The following THADA variants were observed in gnomAD, a reference collection of about 807,000 sequenced individuals.
THADA encodes the protein THADA armadillo repeat containing, also known as tRNA (32-2'-O)-methyltransferase regulator THADA.
A neutral mutation model predicts 219.8 loss-of-function variants in THADA; 213 were observed. That is an observed-to-expected ratio of 0.97 (90% CI 0.87 to 1.09). THADA has a LOEUF of 1.09. Ranked by LOEUF, THADA falls within the 50% of genes least tolerant of loss-of-function variation. The pLI is 0.00. For synonymous variants in THADA, 1,018 were observed against 828.9 expected (o/e 1.23, Z -3.92); for missense variants, 2,956 against 2,311.3 (o/e 1.28, Z -5.72).
chr2:43,542,915 G>C (rs1371473561), intron 20 of THADA, among the ~76,000 whole-genome samples: 2 of 151,742 alleles, frequency 1.3e-5, no homozygotes, highest in African/African-American at 4.8e-5. Flanking sequence ...TGTGCACAAT[G>C]TGCAGGTTAG....
At chr2:43,290,431 T>G (rs1476255834) in intron 34 of THADA, among the ~76,000 whole-genome samples, 2 of 152,120 alleles carry the variant, frequency 1.3e-5, no homozygotes, top group Non-Finnish European at 2.9e-5. Context: ...TCTAAGGAAA[T>G]TGGACCTGCT....
intron 26 of THADA, among the ~76,000 whole-genome samples, chr2:43,449,941 A>G (rs1218242243): frequency 2.0e-5 from 3 of 152,198 alleles, no homozygotes. Context: ...CGGTCCTTCA[A>G]CTGTGAGGGA....
At chr2:43,548,960 T>C (rs1263823214) in intron 20 of THADA, among the ~76,000 whole-genome samples, 2 of 152,220 alleles carry the variant, frequency 1.3e-5, no homozygotes, top group African/African-American at 4.8e-5. Context: ...GTCTTCTGCG[T>C]CACTCCCGCT....
intron 26 of THADA, among the ~76,000 whole-genome samples, chr2:43,476,918 C>G (rs993985941): frequency 3.9e-5 from 6 of 152,046 alleles, no homozygotes; most frequent in African/African-American, 1.4e-4. Context: ...CTCAAAGAGG[C>G]ATTTTGGTTA....
At position 43,432,011 on chromosome 2, in the gene THADA, T is replaced by C. The variant is rs71420049; in HGVS notation, c.3837-1709A>G. Among the ~76,000 whole-genome samples the C allele has an allele frequency of 9.7e-4, 119 of 122,390 alleles. 9 individuals are homozygous for C. The highest frequency in any genetic ancestry group is 3.6e-3 in the African/African-American group (94 of 26,206). The allele number at this position is 122,390 out of a possible 152,430, so 80.3% of individuals were successfully genotyped here. A position where few individuals can be genotyped will look rare whatever the true frequency, so the allele number is the denominator to read the frequency against. On this transcript the variant is annotated intron_variant, in intron 26 of 37. Transcript: ENST00000405975. Reference sequence around the variant, plus strand: ...AGCTGGGACTACAGGCGCCCGCCACTACGCCCGGCTAATTTTTTGTATTTT... The same window carrying C: ...AGCTGGGACTACAGGCGCCCGCCACCACGCCCGGCTAATTTTTTGTATTTT...
chr2:43,301,146 C>G (rs1359872223), intron 31 of THADA, among the ~76,000 whole-genome samples: 1 of 152,198 alleles, frequency 6.6e-6, no homozygotes, highest in East Asian at 1.9e-4. Flanking sequence ...CTGAGAACCA[C>G]ACTCCTCAGG....
chr2:43,303,895 G>GA (rs1402226714), intron 31 of THADA, among the ~76,000 whole-genome samples: 1 of 152,040 alleles, frequency 6.6e-6, no homozygotes, highest in Non-Finnish European at 1.5e-5. Context: ...GTCTGAGCAG[G>GA]GCTCCCCAAA....
intron 36 of THADA, among the ~76,000 whole-genome samples, chr2:43,273,027 T>C (rs915872544): frequency 1.4e-4 from 22 of 151,898 alleles, no homozygotes; most frequent in African/African-American, 4.6e-4. Context: ...GGCGGGCAGA[T>C]TACTTGAGGT....
chr2:43,420,747 C>T (rs1023434662), intron 28 of THADA, among the ~76,000 whole-genome samples: 5 of 152,170 alleles, frequency 3.3e-5, no homozygotes. Flanking sequence ...TATCTAGGAA[C>T]TAACAGATAA....
intron 21 of THADA, among the ~76,000 whole-genome samples, chr2:43,530,966 C>T (rs112304422): frequency 4.6e-5 from 7 of 152,172 alleles, no homozygotes; most frequent in African/African-American, 1.7e-4. Context: ...ACCCACATAG[C>T]TAATACCTAG....
At chr2:43,562,083 T>C (rs180778566) in intron 15 of THADA, 7 of 152,368 alleles carry the variant, frequency 4.6e-5, no homozygotes, top group Admixed American at 2.0e-4. Flanking sequence ...CTTACATTCC[T>C]GGGATAAATT....
intron 36 of THADA, among the ~76,000 whole-genome samples, chr2:43,265,296 T>C (rs567794796): frequency 2.0e-5 from 3 of 152,298 alleles, no homozygotes; most frequent in African/African-American, 7.2e-5. Context: ...CATTTTTGAG[T>C]GTATATTTTA....
At chr2:43,493,389 T>A (rs532168428) in intron 25 of THADA, among the ~76,000 whole-genome samples, 31 of 152,034 alleles carry the variant, frequency 2.0e-4, no homozygotes, top group Admixed American at 1.8e-3. Flanking sequence ...CAGCTACTAG[T>A]GAGGCTGAGG....
chr2:43,321,602 G>A (rs766935630), intron 30 of THADA, among the ~76,000 whole-genome samples: 9 of 152,136 alleles, frequency 5.9e-5, no homozygotes, highest in East Asian at 1.9e-4. Flanking sequence ...TCTGTCTTGC[G>A]TGCTCTTTTC....
At chr2:43,381,135 A>T (rs1573370157) in intron 29 of THADA, among the ~76,000 whole-genome samples, 1 of 151,694 alleles carries the variant, frequency 6.6e-6, no homozygotes, top group East Asian at 1.9e-4. Context: ...AGAAAAACAA[A>T]CAAACTGAAA....
At chr2:43,237,805 CA>C (rs1308980900) in intron 36 of THADA, among the ~76,000 whole-genome samples, 1 of 152,012 alleles carries the variant, frequency 6.6e-6, no homozygotes, top group Admixed American at 6.6e-5. Context: ...ATCAAAAACA[CA>C]AGCAACACTA....
chr2:43,580,194 T>G (rs943542711), intron 8 of THADA, among the ~76,000 whole-genome samples: 1 of 59,822 alleles, frequency 1.7e-5, no homozygotes, highest in Non-Finnish European at 3.4e-5. Context: ...CCAGCTAATG[T>G]TTTTTTTTGT....
At chr2:43,296,836 T>C (rs1426996250) in intron 31 of THADA, among the ~76,000 whole-genome samples, 3 of 151,652 alleles carry the variant, frequency 2.0e-5, no homozygotes, top group Non-Finnish European at 4.4e-5. Flanking sequence ...AAAATTGTAA[T>C]TAACGGCCGC....
intron 21 of THADA, among the ~76,000 whole-genome samples, chr2:43,540,101 C>T (rs1695106375): frequency 6.6e-6 from 1 of 152,192 alleles, no homozygotes; most frequent in African/African-American, 2.4e-5. Context: ...AGATGGTGAA[C>T]ATCAGTGAAG....
Sources: allele counts gnomAD v4.1 joint callset (sites outside exome capture counted in the v4.1 genomes callset), GRCh38; gene constraint gnomAD v4.1.1; transcripts MANE v1.5; gene names NCBI Gene and HGNC (gene_info 2026-07-23, HGNC 2026-07-21).